TADA2A: variants seen among roughly 807,000 people sequenced by gnomAD.
TADA2A encodes transcriptional adaptor 2A.
In TADA2A, 38 loss-of-function variants were observed where a neutral mutation model predicts 67.4. That is an observed-to-expected ratio of 0.56 (90% CI 0.44 to 0.74). The LOEUF (loss-of-function observed/expected upper bound fraction) is 0.74, where lower values mean the gene tolerates loss of function less well. Ranked by LOEUF, TADA2A falls within the 30% of genes least tolerant of loss-of-function variation. TADA2A has a pLI of 0.00. For missense variants in TADA2A, 454 were observed against 547.0 expected, an observed-to-expected ratio of 0.83 and a Z score of 1.70; for synonymous variants, 192 against 181.6, an observed-to-expected ratio of 1.06 and a Z score of -0.46.
chr17:37,413,188 A>C (rs541194799), intron 2 of TADA2A, among the ~76,000 whole-genome samples: 1 of 152,128 alleles, frequency 6.6e-6, no homozygotes, highest in South Asian at 2.1e-4. Context: ...TGGCCTCCCA[A>C]AGTGCTGGGA....
chr17:37,451,458 A>G (rs1390547967), intron 8 of TADA2A, among the ~76,000 whole-genome samples: 1 of 151,370 alleles, frequency 6.6e-6, no homozygotes, highest in Non-Finnish European at 1.5e-5. Flanking sequence ...AGCTGGGACT[A>G]CAGGCACATA....
chr17:37,440,643 C>CAA lies in TADA2A; in HGVS notation c.424_425insAA (p.Thr142LysfsTer47), dbSNP rs760829445. The CAA allele has an allele frequency of 6.2e-7, 1 of 1,614,200 alleles. No individual in the cohort carries two copies. Among genetic ancestry groups the CAA allele is most frequent in the Non-Finnish European group, 8.5e-7 (1 of 1,180,032 alleles). ...AAGCAGAGGAAGCAAAAACTGCTGA[C>CAA]ACAGCCATTCCATTTCACTGTAAGT... On this transcript the variant is annotated frameshift_variant, in exon 6 of 16. Coordinates refer to ENST00000615182, the MANE Select transcript of TADA2A (RefSeq NM_001166105.3). LOFTEE classifies it high-confidence loss of function.
intron 15 of TADA2A, 125 bp downstream of exon 15, chr17:37,474,754 T>C: frequency 1.9e-6 from 2 of 1,036,100 alleles, no homozygotes; most frequent in Non-Finnish European, 2.8e-6. Flanking sequence ...TGCACAGCTC[T>C]GGTGAATCCT....
In TADA2A at chr17:37,431,479, A is replaced by G. The variant is rs370199496; in HGVS notation, c.192+4470A>G. ...TGTCATTGTAACCAACTACTACATAATGGTAATAAATTTCCGTTTACCCAT... is the reference window on the plus strand; with the variant it reads ...TGTCATTGTAACCAACTACTACATAGTGGTAATAAATTTCCGTTTACCCAT... On this transcript the variant is annotated intron_variant, in intron 4 of 15. Transcript: ENST00000615182. Among the ~76,000 whole-genome samples the G allele has an allele frequency of 2.4e-4, 36 of 152,288 alleles. No homozygotes were observed. The East Asian group carries it at 5.0e-3, about 21-fold the overall frequency.
intron 2 of TADA2A, among the ~76,000 whole-genome samples, chr17:37,422,487 T>TATTATTATTATC (rs1442854094): frequency 6.4e-4 from 55 of 85,830 alleles, no homozygotes; most frequent in Middle Eastern, 5.1e-3. Flanking sequence ...AGCTGATTAT[T>TATTATTATTATC]ATTATTATTA....
At chr17:37,436,925 A>G (rs1055223749) in intron 4 of TADA2A, among the ~76,000 whole-genome samples, 2 of 151,734 alleles carry the variant, frequency 1.3e-5, no homozygotes, top group African/African-American at 4.9e-5. Context: ...GTATATCTGC[A>G]TGAATTGCTT....
intron 12 of TADA2A, among the ~76,000 whole-genome samples, chr17:37,469,070 T>A (rs1410743174): frequency 6.6e-6 from 1 of 151,584 alleles, no homozygotes; most frequent in East Asian, 2.0e-4. Context: ...CCGGCTAATT[T>A]TTTTTTTTGT....
chr17:37,422,495 T>TTATTATTA (rs2052273570), intron 2 of TADA2A, among the ~76,000 whole-genome samples: 2 of 142,154 alleles, frequency 1.4e-5, no homozygotes, highest in African/African-American at 5.5e-5. Context: ...ATTATTATTA[T>TTATTATTA]TATTATTATT....
At chr17:37,437,631 C>T in intron 4 of TADA2A, 107 bp from the exon 5 acceptor site, 1 of 924,734 alleles carries the variant, frequency 1.1e-6, no homozygotes, top group Non-Finnish European at 1.7e-6. Context: ...AGGTGATCCG[C>T]CCGCCTCCGC....
chr17:37,437,267 A>G (rs1012932642), intron 4 of TADA2A, among the ~76,000 whole-genome samples: 4 of 149,700 alleles, frequency 2.7e-5, no homozygotes, highest in Non-Finnish European at 4.4e-5. Flanking sequence ...AATTTTTTAT[A>G]TTTTTAGTAG....
At chr17:37,456,084 A>G (rs2148009648) in intron 8 of TADA2A, among the ~76,000 whole-genome samples, 2 of 152,252 alleles carry the variant, frequency 1.3e-5, no homozygotes, top group African/African-American at 4.8e-5. Context: ...CACACCTGTA[A>G]TCCCAGCTAC....
intron 1 of TADA2A, chr17:37,408,618 A>C (rs564556404): frequency 6.6e-6 from 1 of 152,364 alleles, no homozygotes; most frequent in East Asian, 1.9e-4. Context: ...ATACTCTTTC[A>C]GAGCTTGCTT....
At position 37,444,754 on chromosome 17, in the gene TADA2A, C is replaced by T. The variant is rs529523943; in HGVS notation, c.590C>T (p.Ser197Leu). ...GACATTGATTTTGTTGAAGATGACT[C>T]GGACATTTTACATGGTAACAGTTTA... ...LRDIDFVEDD[S>L]DILHALKMAV... The change falls in exon 8 of 16, where the codon TCG (serine) becomes TTG (leucine). Residue 197 changes from serine (S) to leucine (L), a missense_variant. Physicochemically the swap from Ser to Leu is moderately radical, Grantham distance 145. Coordinates refer to ENST00000615182, the MANE Select transcript of TADA2A (RefSeq NM_001166105.3). 1.2e-5 allele frequency: 20 copies of T among 1,613,894 alleles called. No homozygotes were observed. The highest frequency in any genetic ancestry group is 5.5e-5 in the South Asian group (5 of 91,070).
At chr17:37,465,354 G>T (rs2053641207) in intron 10 of TADA2A, 77 bp from the exon 11 acceptor site, 1 of 1,047,468 alleles carries the variant, frequency 9.5e-7, no homozygotes, top group East Asian at 2.4e-5. Flanking sequence ...TTTACTAATT[G>T]TAAAAAAAAA....
At position 37,455,926 on chromosome 17, in the gene TADA2A, G is replaced by A. The variant is rs1251046588; in HGVS notation, c.605-2598G>A. 7.2e-5 allele frequency among the ~76,000 whole-genome samples: 11 copies of A among 152,222 alleles called. No individual in the cohort carries two copies. In the East Asian group the frequency reaches 2.1e-3, roughly 29 times the overall value. ...AGTGATAGGAAACAAGAATGGGGCC[G>A]GGTGCAGTAGTTCACGCCTGTAATT... On this transcript the variant is annotated intron_variant, in intron 8 of 15. Coordinates refer to ENST00000615182, the MANE Select transcript of TADA2A (RefSeq NM_001166105.3).
rs1183541179 is a variant in TADA2A, at chr17:37,478,215, A to G, written c.*1233A>G. ...TAGTCTTTTGAGGAGGTGGCACCGGATATAACATGTCTCTGTTATTTTTAG... is the reference window on the plus strand; with the variant it reads ...TAGTCTTTTGAGGAGGTGGCACCGGGTATAACATGTCTCTGTTATTTTTAG... On this transcript the variant is annotated 3_prime_UTR_variant, in exon 16 of 16. Transcript: ENST00000615182. 1 of 152,094 alleles carries G rather than the reference A, an allele frequency of 6.6e-6. No homozygotes were observed. The highest frequency in any genetic ancestry group is 1.5e-5 in the Non-Finnish European group (1 of 68,012). 9.4% of individuals were successfully genotyped at this position (152,094 alleles called of 1,614,324 possible).
At chr17:37,471,362 CAG>C (rs1473639736) in intron 14 of TADA2A, among the ~76,000 whole-genome samples, 3 of 151,972 alleles carry the variant, frequency 2.0e-5, no homozygotes, top group African/African-American at 7.3e-5. Flanking sequence ...AGTATAGAGA[CAG>C]GGGAAAAAAG....
chr17:37,423,483 G>A (rs545293648), intron 2 of TADA2A, 26 bp from the exon 3 acceptor site: 4 of 1,554,964 alleles, frequency 2.6e-6, no homozygotes, highest in African/African-American at 1.4e-5. Context: ...GGTCTGAAAT[G>A]TGCATTTGTT....
chr17:37,411,240 A>T (rs2051856829), intron 1 of TADA2A, 29 bp from the exon 2 acceptor site: 1 of 811,468 alleles, frequency 1.2e-6, no homozygotes, highest in South Asian at 1.4e-5. Context: ...TGATTTTCTG[A>T]TCCATGTGCC....
Sources: allele counts gnomAD v4.1 joint callset (sites outside exome capture counted in the v4.1 genomes callset), GRCh38; gene constraint gnomAD v4.1.1; transcripts MANE v1.5; gene names NCBI Gene and HGNC (gene_info 2026-07-23, HGNC 2026-07-21).